Variants in FGF1 observed in about 807,000 individuals in gnomAD.
FGF1 encodes beta-endothelial cell growth factor.
FGF1 carries 9 observed loss-of-function variants against 13.4 expected under a neutral mutation model. The ratio of observed to expected loss-of-function variants is 0.67; its 90% CI spans 0.40 to 1.17. FGF1 has a LOEUF of 1.17. FGF1 is among the 50% of genes most tolerant of loss of function. The probability of loss-of-function intolerance (pLI) is 0.01; values close to 1 mark genes in which losing one functional copy is unlikely to be tolerated. For synonymous variants in FGF1, 93 were observed against 79.0 expected, an observed-to-expected ratio of 1.18 and a Z score of -0.94; for missense variants, 156 against 192.7, an observed-to-expected ratio of 0.81 and a Z score of 1.13.
chr5:142,648,014 G>A (rs918211390), intron 1 of FGF1, among the ~76,000 whole-genome samples: 6 of 152,188 alleles, frequency 3.9e-5, no homozygotes, highest in African/African-American at 1.2e-4. Flanking sequence ...GAACCCAGGA[G>A]GTGGAGGTTG....
At chr5:142,609,851 G>C (rs1407280846) in intron 2 of FGF1, among the ~76,000 whole-genome samples, 1 of 152,218 alleles carries the variant, frequency 6.6e-6, no homozygotes, top group Non-Finnish European at 1.5e-5. Flanking sequence ...TTTAAAACAA[G>C]GAAACTGAGG....
chr5:142,649,817 G>A (rs1766887119), intron 1 of FGF1, among the ~76,000 whole-genome samples: 1 of 152,004 alleles, frequency 6.6e-6, no homozygotes, highest in African/African-American at 2.4e-5. Context: ...TCTGACTTTT[G>A]TTTTACCGTA....
intron 1 of FGF1, among the ~76,000 whole-genome samples, chr5:142,617,335 A>G (rs1760470001): frequency 6.6e-6 from 1 of 152,046 alleles, no homozygotes; most frequent in Non-Finnish European, 1.5e-5. Flanking sequence ...GTTGCACCCC[A>G]GCCTGGGCGA....
At position 142,679,071 on chromosome 5, in the gene FGF1, G is replaced by A. The variant is rs137978086; in HGVS notation, c.-35+6886C>T. On this transcript the variant is annotated intron_variant, in intron 1 of 3. Coordinates refer to ENST00000337706, the MANE Select transcript of FGF1 (RefSeq NM_000800.5). ...GCCCTTCTAGCCCATCGTTCCCTTC[G>A]TTGAAATGAGAGACTGCCCTACATA... 2.4e-3 allele frequency among the ~76,000 whole-genome samples: 372 copies of A among 152,190 alleles called. 1 individual carries two copies. The highest frequency in any genetic ancestry group is 8.1e-3 in the African/African-American group (335 of 41,496).
chr5:142,689,025 A>G (rs1026905371), upstream of FGF1, among the ~76,000 whole-genome samples: 2 of 152,250 alleles, frequency 1.3e-5, no homozygotes, highest in Non-Finnish European at 2.9e-5. Context: ...TATTGAATCA[A>G]CAGGGTTCAA....
At chr5:142,675,820 C>T (rs1772464940) in intron 1 of FGF1, among the ~76,000 whole-genome samples, 1 of 152,208 alleles carries the variant, frequency 6.6e-6, no homozygotes, top group Non-Finnish European at 1.5e-5. Flanking sequence ...ATGATTTGAA[C>T]TCAAAGCTCA....
At chr5:142,668,425 C>T (rs1770847982) in intron 1 of FGF1, among the ~76,000 whole-genome samples, 2 of 152,198 alleles carry the variant, frequency 1.3e-5, no homozygotes, top group South Asian at 4.1e-4. Context: ...TGTCACATGA[C>T]CTTGGGGAGG....
intron 1 of FGF1, among the ~76,000 whole-genome samples, chr5:142,645,616 C>G (rs1230888912): frequency 6.6e-6 from 1 of 152,206 alleles, no homozygotes; most frequent in Non-Finnish European, 1.5e-5. Flanking sequence ...GAAAGACTAT[C>G]CCTACAAATC....
intron 2 of FGF1, among the ~76,000 whole-genome samples, chr5:142,693,662 C>T (rs181592828): frequency 6.6e-6 from 1 of 152,104 alleles, no homozygotes; most frequent in South Asian, 2.1e-4. Context: ...CCAAAGAAAC[C>T]CCATATCCAT....
chr5:142,606,695 C>T (rs967835941), intron 2 of FGF1, among the ~76,000 whole-genome samples: 1 of 152,100 alleles, frequency 6.6e-6, no homozygotes, highest in Non-Finnish European at 1.5e-5. Context: ...TAAAACTGTG[C>T]ACCAGATACT....
At chr5:142,598,209 C>A (rs971621001) in intron 3 of FGF1, among the ~76,000 whole-genome samples, 4 of 152,106 alleles carry the variant, frequency 2.6e-5, no homozygotes, top group Non-Finnish European at 5.9e-5. Flanking sequence ...GGGCATCAGG[C>A]CTGTGTTCTG....
intron 2 of FGF1, among the ~76,000 whole-genome samples, chr5:142,610,712 G>A (rs1241478308): frequency 3.9e-5 from 6 of 152,200 alleles, no homozygotes; most frequent in Non-Finnish European, 8.8e-5. Context: ...GCCTGCAGCA[G>A]CGATCTAAGG....
intron 1 of FGF1, among the ~76,000 whole-genome samples, chr5:142,646,478 G>T (rs1263408162): frequency 6.6e-6 from 1 of 151,406 alleles, no homozygotes; most frequent in Non-Finnish European, 1.5e-5. Context: ...TCAGCCTCCC[G>T]AGTAGCTGGG....
chr5:142,669,076 G>A lies in FGF1; in HGVS notation c.-35+16881C>T, dbSNP rs147432395. ...GCATGCATGGCTGATGCCGCTGAGCGGGGGGTTTTCAGGGACACACAGGGT... is the reference window on the plus strand; with the variant it reads ...GCATGCATGGCTGATGCCGCTGAGCAGGGGGTTTTCAGGGACACACAGGGT... On this transcript the variant is annotated intron_variant, in intron 1 of 3. Coordinates refer to ENST00000337706, the MANE Select transcript of FGF1 (RefSeq NM_000800.5). 1.4e-3 allele frequency among the ~76,000 whole-genome samples: 212 copies of A among 152,356 alleles called. 1 individual carries two copies. Among genetic ancestry groups the A allele is most frequent in the African/African-American group, 4.7e-3 (195 of 41,576 alleles).
chr5:142,620,169 C>T (rs547776585), intron 1 of FGF1, among the ~76,000 whole-genome samples: 18 of 151,760 alleles, frequency 1.2e-4, no homozygotes, highest in Admixed American at 7.2e-4. Flanking sequence ...TGTAATCCCA[C>T]CACTTTGGGA....
At chr5:142,653,810 T>G (rs1391913527) in intron 1 of FGF1, among the ~76,000 whole-genome samples, 2 of 152,202 alleles carry the variant, frequency 1.3e-5, no homozygotes, top group African/African-American at 2.4e-5. Context: ...AGTTCCACCT[T>G]GGGCCTGGTG....
chr5:142,652,814 G>A (rs2151978454), intron 1 of FGF1, among the ~76,000 whole-genome samples: 1 of 152,344 alleles, frequency 6.6e-6, no homozygotes, highest in East Asian at 1.9e-4. Flanking sequence ...TCCACGCCAG[G>A]CCCCGGGCGG....
Position 142,693,555 on chromosome 5 carries a change from A to C in FGF1, c.-35+4067T>G, listed in dbSNP as rs1752582810. ...TTGAGATATACTTCACATACTCTGA[A>C]GTTCACCCATTTAAAATGTACAATT... On this transcript the variant is annotated intron_variant, in intron 2 of 4. Coordinates refer to the FGF1 transcript ENST00000407758. Among the ~76,000 whole-genome samples the C allele has an allele frequency of 3.9e-5, 6 of 152,310 alleles. No homozygotes were observed. The South Asian group carries it at 1.2e-3, about 32-fold the overall frequency.
At chr5:142,652,230 C>T (rs1321986561) in intron 1 of FGF1, among the ~76,000 whole-genome samples, 2 of 152,138 alleles carry the variant, frequency 1.3e-5, no homozygotes, top group Non-Finnish European at 2.9e-5. Flanking sequence ...ACAGTGTTTG[C>T]ACATAGTAAA....
Sources: allele counts gnomAD v4.1 joint callset (sites outside exome capture counted in the v4.1 genomes callset), GRCh38; gene constraint gnomAD v4.1.1; transcripts MANE v1.5; gene names NCBI Gene and HGNC (gene_info 2026-07-23, HGNC 2026-07-21).